SNCAIP: variants seen among roughly 807,000 people sequenced by gnomAD.
The protein encoded by SNCAIP is synuclein alpha interacting protein.
A neutral mutation model predicts 86.7 loss-of-function variants in SNCAIP; 43 were observed. The observed-to-expected ratio is 0.50, with a 90% CI of 0.39 to 0.64. SNCAIP has a LOEUF of 0.64. Ranked by LOEUF, SNCAIP falls within the 30% of genes least tolerant of loss-of-function variation. SNCAIP has a pLI of 0.00. For synonymous variants in SNCAIP, 417 were observed against 427.2 expected (o/e 0.98, Z 0.29); for missense variants, 981 against 1,103.1 (o/e 0.89, Z 1.57).
At position 122,463,543 on chromosome 5, in the gene SNCAIP, G is replaced by A. The variant is rs1787004967; in HGVS notation, c.*47G>A. 2 of 1,606,492 alleles carry A rather than the reference G, an allele frequency of 1.2e-6. No individual in the cohort carries two copies. The highest frequency in any genetic ancestry group is 1.3e-5 in the African/African-American group (1 of 74,730). On this transcript the variant is annotated 3_prime_UTR_variant, in exon 11 of 11. Transcript: ENST00000261368. The stretch of plus-strand genomic sequence containing the variant: ...GAAATCCTACAGCATAAAGCACATT[G>A]CTGAGCCAGAGTCAAAAGAACTCTT...
intron 2 of SNCAIP, among the ~76,000 whole-genome samples, chr5:122,402,793 T>G (rs796727232): frequency 1.3e-5 from 2 of 152,302 alleles, no homozygotes; most frequent in African/African-American, 4.8e-5. Flanking sequence ...AAATGCTTTT[T>G]CTCAATCCCC....
At chr5:122,344,573 AG>A (rs1758228443) in intron 1 of SNCAIP, among the ~76,000 whole-genome samples, 1 of 152,206 alleles carries the variant, frequency 6.6e-6, no homozygotes, top group Non-Finnish European at 1.5e-5. Context: ...GTGAGAAAAC[AG>A]TAGGAAATAC....
chr5:122,402,526 G>A (rs574651476), intron 2 of SNCAIP, among the ~76,000 whole-genome samples: 1 of 152,236 alleles, frequency 6.6e-6, no homozygotes, highest in East Asian at 1.9e-4. Flanking sequence ...TTTTCACTTG[G>A]AAATACTGGA....
chr5:122,328,153 C>T lies in SNCAIP; in HGVS notation c.-47+15869C>T, dbSNP rs144536623. Among the ~76,000 whole-genome samples, 321 of 152,252 alleles carry T rather than the reference C, an allele frequency of 2.1e-3. 2 individuals are homozygous for T. The highest frequency in any genetic ancestry group is 3.4e-3 in the Non-Finnish European group (234 of 68,010). On this transcript the variant is annotated intron_variant, in intron 1 of 10. Transcript: ENST00000261368. ...CCAAGTCTTGATCTGTTTCCCATTG[C>T]AGTAAGAGAAAGCTTATATATCTTT...
chr5:122,450,809 G>C lies in SNCAIP; in HGVS notation c.1962G>C (p.Lys654Asn). Reference sequence around the variant, plus strand: ...AGGCTTCCTCTAGAAATTCTAAAAAGATCCCACTGGAGAAGAGGGAACTGA... The same window carrying C: ...AGGCTTCCTCTAGAAATTCTAAAAACATCCCACTGGAGAAGAGGGAACTGA... ...DAQASSRNSK[K>N]IPLEKRELKL... Residue 654 changes from lysine to asparagine, a missense_variant, in exon 10 of 11, where the codon AAG (lysine) becomes AAC (asparagine). Lys to Asn is a moderately conservative substitution (Grantham distance 94). Coordinates refer to ENST00000261368, the MANE Select transcript of SNCAIP (RefSeq NM_005460.4). The C allele has an allele frequency of 6.2e-7, 1 of 1,614,136 alleles. No homozygotes were observed.
chr5:122,446,095 A>C (rs1023542024), intron 8 of SNCAIP, among the ~76,000 whole-genome samples: 25 of 152,332 alleles, frequency 1.6e-4, no homozygotes, highest in African/African-American at 5.5e-4. Flanking sequence ...CAACGTAATC[A>C]CAGGGAAAAT....
chr5:122,392,495 T>C (rs1769616214), intron 2 of SNCAIP, among the ~76,000 whole-genome samples: 1 of 152,128 alleles, frequency 6.6e-6, no homozygotes, highest in Non-Finnish European at 1.5e-5. Context: ...TTATGATCAC[T>C]CCCCTCACAG....
chr5:122,382,052 G>A (rs957740705), intron 1 of SNCAIP, among the ~76,000 whole-genome samples: 1 of 152,006 alleles, frequency 6.6e-6, no homozygotes, highest in African/African-American at 2.4e-5. Context: ...TTATCTTTGT[G>A]GTTTTCTCTG....
At chr5:122,401,197 G>A in intron 2 of SNCAIP, 1 of 1,438,124 alleles carries the variant, frequency 7.0e-7, no homozygotes, top group Non-Finnish European at 9.3e-7. Context: ...GGCCTGGGAA[G>A]CCTTCCATTT....
At chr5:122,422,497 A>G (rs943267850) in intron 3 of SNCAIP, among the ~76,000 whole-genome samples, 1 of 152,172 alleles carries the variant, frequency 6.6e-6, no homozygotes, top group Non-Finnish European at 1.5e-5. Context: ...AAGTTTATTT[A>G]ACACTGAAGA....
At chr5:122,418,131 G>C (rs1775666030) in intron 3 of SNCAIP, among the ~76,000 whole-genome samples, 1 of 152,168 alleles carries the variant, frequency 6.6e-6, no homozygotes, top group Non-Finnish European at 1.5e-5. Context: ...GGAGAGTATG[G>C]TATATCCAGA....
At chr5:122,357,327 C>G (rs1443111088) in intron 1 of SNCAIP, among the ~76,000 whole-genome samples, 1 of 152,086 alleles carries the variant, frequency 6.6e-6, no homozygotes, top group East Asian at 1.9e-4. Context: ...CCTCCACCTC[C>G]TGGGTTCAAG....
chr5:122,343,906 C>T lies in SNCAIP; in HGVS notation c.-47+31622C>T, dbSNP rs57803041. Among the ~76,000 whole-genome samples, 1,500 of 152,330 alleles carry T rather than the reference C, an allele frequency of 9.8e-3. 23 individuals carry two copies. Among genetic ancestry groups the T allele is most frequent in the African/African-American group, 0.035 (1,437 of 41,576 alleles). On this transcript the variant is annotated intron_variant, in intron 1 of 10. Transcript: ENST00000261368. ...CCAGTTAGACATCAAAACATTAGCTCTGTTGATGGTCAAGTTGAAGTGGAG... is the reference window on the plus strand; with the variant it reads ...CCAGTTAGACATCAAAACATTAGCTTTGTTGATGGTCAAGTTGAAGTGGAG...
chr5:122,414,592 TAGAC>T (rs934435351), intron 3 of SNCAIP, among the ~76,000 whole-genome samples: 17 of 152,282 alleles, frequency 1.1e-4, no homozygotes, highest in African/African-American at 4.1e-4. Flanking sequence ...TACCAAAATT[TAGAC>T]AGACAACACA....
intron 1 of SNCAIP, among the ~76,000 whole-genome samples, chr5:122,358,167 G>C (rs1441881909): frequency 3.5e-5 from 2 of 57,274 alleles, no homozygotes; most frequent in Non-Finnish European, 7.8e-5. Context: ...CTTTGTGTGT[G>C]TGTGTGTGTG....
Position 122,450,919 on chromosome 5 carries a change from C to T in SNCAIP, c.2072C>T (p.Thr691Ile), listed in dbSNP as rs755376635. The change falls in exon 10 of 11, where the codon ACC becomes ATC. Residue 691 changes from threonine (T) to isoleucine (I), a missense_variant. Thr to Ile is a moderately conservative substitution (Grantham distance 89). Transcript: ENST00000261368. ...DSNNSEDPKTTPVRKADRPRP... is the reference protein window; with the variant it reads ...DSNNSEDPKTIPVRKADRPRP... ...AACAACTCTGAGGACCCCAAGACTA[C>T]CCCAGTGAGGAAGGCTGACCGACCA... The T allele has an allele frequency of 3.5e-5, 56 of 1,613,986 alleles. No individual in the cohort carries two copies. The highest frequency in any genetic ancestry group is 4.6e-5 in the Non-Finnish European group (54 of 1,180,010).
At chr5:122,420,621 G>A (rs1404048197) in intron 3 of SNCAIP, among the ~76,000 whole-genome samples, 1 of 151,958 alleles carries the variant, frequency 6.6e-6, no homozygotes, top group Non-Finnish European at 1.5e-5. Context: ...CTTGCCGAAA[G>A]TTGATGAATA....
At chr5:122,367,109 T>G (rs1392712493) in intron 1 of SNCAIP, among the ~76,000 whole-genome samples, 1 of 151,782 alleles carries the variant, frequency 6.6e-6, no homozygotes, top group Non-Finnish European at 1.5e-5. Context: ...TCAAGTAAGG[T>G]TAAGTTTGAG....
intron 1 of SNCAIP, among the ~76,000 whole-genome samples, chr5:122,375,089 G>T (rs977193367): frequency 3.5e-4 from 53 of 152,114 alleles, no homozygotes; most frequent in African/African-American, 1.2e-3. Flanking sequence ...TGTATGTACA[G>T]ATGTGCAAAT....
Sources: allele counts gnomAD v4.1 joint callset (sites outside exome capture counted in the v4.1 genomes callset), GRCh38; gene constraint gnomAD v4.1.1; transcripts MANE v1.5; gene names NCBI Gene and HGNC (gene_info 2026-07-23, HGNC 2026-07-21).